Variants in FHIT observed in about 807,000 individuals in gnomAD.
FHIT encodes the protein fragile histidine triad diadenosine triphosphatase.
A neutral mutation model predicts 17.9 loss-of-function variants in FHIT; 19 were observed. The observed-to-expected ratio is 1.06, with a 90% confidence interval of 0.74 to 1.56. The LOEUF (loss-of-function observed/expected upper bound fraction) is 1.56. Among genes scored for constraint, FHIT ranks in the 40% most tolerant of loss-of-function variants. The pLI is 0.00. For synonymous variants in FHIT, 81 were observed against 69.7 expected, an observed-to-expected ratio of 1.16 and a Z score of -0.81; for missense variants, 248 against 189.2, an observed-to-expected ratio of 1.31 and a Z score of -1.82.
chr3:60,784,339 C>CTTTT (rs57018877), intron 4 of FHIT, among the ~76,000 whole-genome samples: 1 of 141,094 alleles, frequency 7.1e-6, no homozygotes, highest in Non-Finnish European at 1.5e-5. Flanking sequence ...CTTCCAGGTT[C>CTTTT]TTTTTTTTTT....
At chr3:60,121,202 C>T (rs1169800031) in intron 5 of FHIT, among the ~76,000 whole-genome samples, 3 of 151,846 alleles carry the variant, frequency 2.0e-5, no homozygotes, top group Non-Finnish European at 2.9e-5. Flanking sequence ...AAGACAGAAG[C>T]CTATGTCCAA....
At chr3:59,982,167 C>T (rs1384760485) in intron 7 of FHIT, among the ~76,000 whole-genome samples, 1 of 152,106 alleles carries the variant, frequency 6.6e-6, no homozygotes, top group Non-Finnish European at 1.5e-5. Context: ...CAAGCACTGC[C>T]TTAGCTTGTG....
At chr3:59,973,315 G>A (rs1295261246) in intron 7 of FHIT, among the ~76,000 whole-genome samples, 1 of 152,034 alleles carries the variant, frequency 6.6e-6, no homozygotes, top group Non-Finnish European at 1.5e-5. Context: ...GATCCCAAAC[G>A]AAGCCTAGAA....
At chr3:61,124,289 G>A (rs2036546693) in intron 2 of FHIT, among the ~76,000 whole-genome samples, 1 of 152,182 alleles carries the variant, frequency 6.6e-6, no homozygotes, top group Non-Finnish European at 1.5e-5. Flanking sequence ...TCTCTGTGGT[G>A]TAGGACTTCC....
chr3:59,891,546 G>T (rs1464384047), intron 8 of FHIT, among the ~76,000 whole-genome samples: 1 of 152,190 alleles, frequency 6.6e-6, no homozygotes, highest in Non-Finnish European at 1.5e-5. Flanking sequence ...AAAAATTTAA[G>T]AGTTCCATGA....
At chr3:59,844,924 C>T (rs1352524591) in intron 8 of FHIT, among the ~76,000 whole-genome samples, 1 of 152,112 alleles carries the variant, frequency 6.6e-6, no homozygotes, top group Non-Finnish European at 1.5e-5. Flanking sequence ...GTCATAAGGT[C>T]TGGGGCTTCC....
intron 8 of FHIT, among the ~76,000 whole-genome samples, chr3:59,903,539 C>G (rs1704433516): frequency 6.6e-6 from 1 of 152,138 alleles, no homozygotes; most frequent in Admixed American, 6.5e-5. Context: ...ATTCATTCAC[C>G]TGCATTTTAA....
chr3:59,814,045 T>C (rs62238290), intron 8 of FHIT, among the ~76,000 whole-genome samples: 32 of 146,862 alleles, frequency 2.2e-4, no homozygotes, highest in East Asian at 1.6e-3. Context: ...AATTTACACA[T>C]ACACACACAC....
intron 3 of FHIT, among the ~76,000 whole-genome samples, chr3:60,837,561 C>A (rs1316454764): frequency 6.6e-6 from 1 of 152,106 alleles, no homozygotes; most frequent in African/African-American, 2.4e-5. Flanking sequence ...CTGCTAATCT[C>A]TTCCCTGTAT....
intron 3 of FHIT, among the ~76,000 whole-genome samples, chr3:60,828,148 T>A (rs1702192089): frequency 6.6e-6 from 1 of 152,298 alleles, no homozygotes; most frequent in Non-Finnish European, 1.5e-5. Flanking sequence ...ATTAAGTTAT[T>A]AGGGGGATTC....
intron 5 of FHIT, among the ~76,000 whole-genome samples, chr3:60,137,980 T>C (rs757607451): frequency 6.6e-6 from 1 of 152,216 alleles, no homozygotes; most frequent in African/African-American, 2.4e-5. Context: ...CACAGCATTA[T>C]GAATTACATG....
intron 8 of FHIT, among the ~76,000 whole-genome samples, chr3:59,894,427 C>A (rs535885395): frequency 1.3e-5 from 2 of 152,072 alleles, no homozygotes; most frequent in African/African-American, 4.8e-5. Context: ...GCATCATAAC[C>A]AGGAGGACTA....
At chr3:60,044,464 C>A (rs957856238) in intron 5 of FHIT, among the ~76,000 whole-genome samples, 2 of 152,134 alleles carry the variant, frequency 1.3e-5, no homozygotes, top group African/African-American at 4.8e-5. Context: ...TGTTGCAAAG[C>A]AAATCGTGTC....
chr3:60,701,537 T>C (rs78343106), intron 4 of FHIT, among the ~76,000 whole-genome samples: 8,813 of 152,054 alleles, frequency 0.058, 325 homozygotes, highest in East Asian at 0.099. Context: ...GTCGAAGCTG[T>C]CCTCTTTTGC....
intron 5 of FHIT, among the ~76,000 whole-genome samples, chr3:60,504,414 G>A (rs1321543724): frequency 6.8e-6 from 1 of 146,930 alleles, no homozygotes; most frequent in Non-Finnish European, 1.5e-5. Flanking sequence ...CCTGGCGACA[G>A]AACGAGACCC....
At chr3:60,887,988 A>AT (rs1705312672) in intron 3 of FHIT, among the ~76,000 whole-genome samples, 1 of 152,216 alleles carries the variant, frequency 6.6e-6, no homozygotes, top group Non-Finnish European at 1.5e-5. Context: ...CCTTGATTTG[A>AT]GGATAGGGAA....
intron 5 of FHIT, among the ~76,000 whole-genome samples, chr3:60,075,714 G>A (rs766072205): frequency 1.3e-5 from 2 of 152,106 alleles, no homozygotes; most frequent in South Asian, 2.1e-4. Flanking sequence ...CAGCCTTGTA[G>A]AACTCCTATT....
intron 4 of FHIT, among the ~76,000 whole-genome samples, chr3:60,728,656 T>C (rs1553710257): frequency 2.0e-5 from 3 of 151,828 alleles, no homozygotes; most frequent in South Asian, 2.1e-4. Flanking sequence ...TTGACCAATT[T>C]AAAATTTACA....
At chr3:60,238,314 C>T (rs1576352915) in intron 5 of FHIT, among the ~76,000 whole-genome samples, 1 of 151,694 alleles carries the variant, frequency 6.6e-6, no homozygotes, top group African/African-American at 2.4e-5. Flanking sequence ...TGAATGGCTA[C>T]TGTACTTACT....
Sources: allele counts gnomAD v4.1 joint callset (sites outside exome capture counted in the v4.1 genomes callset), GRCh38; gene constraint gnomAD v4.1.1; transcripts MANE v1.5; gene names NCBI Gene and HGNC (gene_info 2026-07-23, HGNC 2026-07-21).